Variants in KIAA0586 observed in about 807,000 individuals in gnomAD.
KIAA0586 encodes KIAA0586.
In KIAA0586, 144 loss-of-function variants were observed where a neutral mutation model predicts 169.8. That is an observed-to-expected ratio of 0.85 (90% CI 0.74 to 0.97). KIAA0586 has a LOEUF of 0.97. KIAA0586 is among the 50% of genes least tolerant of loss of function. The pLI is 0.00. For synonymous variants in KIAA0586, 625 were observed against 612.4 expected (o/e 1.02, Z -0.30); for missense variants, 1,854 against 1,823.0 (o/e 1.02, Z -0.31).
At chr14:58,513,130 G>A (rs1335425537) in intron 29 of KIAA0586, among the ~76,000 whole-genome samples, 2 of 151,948 alleles carry the variant, frequency 1.3e-5, no homozygotes, top group Non-Finnish European at 2.9e-5. Context: ...CACAGTCAGC[G>A]TTCAAGCATT....
Position 58,461,086 on chromosome 14 carries a change from G to A in KIAA0586, c.1985G>A (p.Gly662Glu). The change falls in exon 14 of 31, where the codon GGA becomes GAA. Residue 662 changes from glycine to glutamate, a missense_variant. Coordinates refer to ENST00000652326, the MANE Select transcript of KIAA0586 (RefSeq NM_001329943.3). ...YQGHRSTLKK[G>E]PYLRFNSPSP... is the part of the protein sequence containing the mutation. ...GGCCATCGAAGCACTCTTAAAAAAG[G>A]ACCATATCTCAGATTTAATTCTCCA... 1.2e-6 allele frequency: 2 copies of A among 1,611,846 alleles called. No homozygotes were observed. Among genetic ancestry groups the A allele is most frequent in the Non-Finnish European group, 1.7e-6 (2 of 1,178,840 alleles).
chr14:58,437,090 G>C (rs535449194), intron 4 of KIAA0586, among the ~76,000 whole-genome samples: 1 of 152,312 alleles, frequency 6.6e-6, no homozygotes, highest in East Asian at 1.9e-4. Context: ...AATTGGCTCT[G>C]GAGTTTTCAG....
At chr14:58,444,343 T>C (rs1408451561) in intron 6 of KIAA0586, among the ~76,000 whole-genome samples, 168 bp downstream of exon 6, 1 of 152,226 alleles carries the variant, frequency 6.6e-6, no homozygotes, top group African/African-American at 2.4e-5. Flanking sequence ...CTGAATGTTA[T>C]ATCTCAAATG....
intron 3 of KIAA0586, among the ~76,000 whole-genome samples, chr14:58,431,946 A>G (rs1449854869): frequency 1.3e-5 from 2 of 152,168 alleles, no homozygotes; most frequent in African/African-American, 2.4e-5. Context: ...TACTTAAGTC[A>G]TTTATCAGAT....
chr14:58,484,915 T>A (rs1251977777), intron 21 of KIAA0586, among the ~76,000 whole-genome samples: 2 of 30,722 alleles, frequency 6.5e-5, no homozygotes, highest in Non-Finnish European at 1.3e-4. Context: ...TATATATATA[T>A]ATATATATAT....
chr14:58,460,132 GAGAT>G lies in KIAA0586; in HGVS notation c.1884+64_1884+67del, dbSNP rs2040205892. 9.1e-6 allele frequency: 9 copies of G among 992,460 alleles called. No individual in the cohort carries two copies. The East Asian group carries it at 2.4e-4, about 26-fold the overall frequency. The allele number at this position is 992,460 out of a possible 1,614,324, so 61.5% of individuals were successfully genotyped here. The stretch of plus-strand genomic sequence containing the variant: ...TGTTATAATTGATCATTTCCTTTAA[GAGAT>G]AAATAATGAAGCGAATGTGAAGGTG... On this transcript the variant is annotated intron_variant, in intron 13 of 30. Transcript: ENST00000652326.
In KIAA0586 at chr14:58,444,010, A is replaced by G. The variant is rs2038639098; in HGVS notation, c.642A>G (p.Leu214=). ...VNSVTELLSK[L]QETDKHLQRV... ...CTGTTACAGAATTACTTAGTAAATT[A>G]CAGGAGACTGATAAACACCTGCAAC... Residue 214 remains leucine (L), a synonymous_variant, in exon 6 of 31, where the codon TTA becomes TTG. Transcript: ENST00000652326. The G allele has an allele frequency of 6.2e-7, 1 of 1,611,838 alleles. No individual in the cohort carries two copies. Among genetic ancestry groups the G allele is most frequent in the Admixed American group, 1.7e-5 (1 of 59,706 alleles).
In KIAA0586 at chr14:58,442,797, A is replaced by G. The variant is rs762927268; in HGVS notation, c.502A>G (p.Ile168Val). Residue 168 changes from isoleucine (I) to valine (V), a missense_variant, in exon 5 of 31, where the codon ATT becomes GTT. Physicochemically the swap from Ile to Val is conservative, Grantham distance 29. Transcript: ENST00000652326. ...EKDAVTQETR[I>V]SPSGIDSATT... ...GGATGCTGTTACTCAGGAGACTAGA[A>G]TTTCACCCAGTGGAATTGATTCAGC... 10 of 1,607,630 alleles carry G rather than the reference A, an allele frequency of 6.2e-6. No individual in the cohort carries two copies. In the South Asian group the frequency reaches 8.9e-5, roughly 14 times the overall value.
chr14:58,542,666 A>C (rs1472721832), intron 30 of KIAA0586, among the ~76,000 whole-genome samples: 1 of 152,110 alleles, frequency 6.6e-6, no homozygotes, highest in Non-Finnish European at 1.5e-5. Context: ...TATTTCAGTG[A>C]AACATTCTTA....
intron 29 of KIAA0586, among the ~76,000 whole-genome samples, chr14:58,517,330 C>A (rs185215395): frequency 6.6e-6 from 1 of 152,132 alleles, no homozygotes; most frequent in Non-Finnish European, 1.5e-5. Flanking sequence ...TGAACAGATA[C>A]TTCACCAAAA....
chr14:58,523,999 G>T (rs2045401551), intron 29 of KIAA0586, among the ~76,000 whole-genome samples: 1 of 151,982 alleles, frequency 6.6e-6, no homozygotes, highest in Admixed American at 6.6e-5. Flanking sequence ...TATAAATTAG[G>T]CAGACTATTT....
rs773497382 is a variant in KIAA0586 at position 58,488,603 on chromosome 14, A to G, written c.3528-18A>G. ...TTCAGTGACCTAACAAGCTCCAAAT[A>G]TGTCTTTATTTTCTTAGTGTAATGT... On this transcript the variant is annotated intron_variant, in intron 23 of 30. Transcript: ENST00000652326. 2 of 1,612,176 alleles carry G rather than the reference A, an allele frequency of 1.2e-6. No individual in the cohort carries two copies. The highest frequency in any genetic ancestry group is 1.7e-6 in the Non-Finnish European group (2 of 1,178,618).
At chr14:58,495,502 T>C (rs539802853) in intron 26 of KIAA0586, among the ~76,000 whole-genome samples, 1 of 152,156 alleles carries the variant, frequency 6.6e-6, no homozygotes, top group African/African-American at 2.4e-5. Context: ...CTCACTATGT[T>C]GGCTAGGCTG....
chr14:58,467,578 G>T (rs752124866), intron 15 of KIAA0586, among the ~76,000 whole-genome samples, 157 bp from the exon 16 acceptor site: 3 of 152,188 alleles, frequency 2.0e-5, no homozygotes, highest in African/African-American at 7.2e-5. Flanking sequence ...ACTGGGTATG[G>T]TGAGTATGTC....
intron 29 of KIAA0586, among the ~76,000 whole-genome samples, chr14:58,513,417 A>G (rs2044532363): frequency 6.6e-6 from 1 of 152,048 alleles, no homozygotes; most frequent in Non-Finnish European, 1.5e-5. Context: ...GAATGCCGGT[A>G]TAATTGCGAA....
At chr14:58,529,255 C>T (rs915837878) in intron 29 of KIAA0586, among the ~76,000 whole-genome samples, 70 of 152,186 alleles carry the variant, frequency 4.6e-4, no homozygotes, top group African/African-American at 1.6e-3. Context: ...GACAAATTCA[C>T]AGGCGAATTC....
chr14:58,507,292 CAT>C (rs1324216534), intron 27 of KIAA0586, among the ~76,000 whole-genome samples: 1 of 139,890 alleles, frequency 7.1e-6, no homozygotes, highest in Non-Finnish European at 1.5e-5. Flanking sequence ...ATATATATAT[CAT>C]GTGTATGATT....
chr14:58,446,396 C>T (rs1207673279), intron 6 of KIAA0586, among the ~76,000 whole-genome samples: 4 of 151,770 alleles, frequency 2.6e-5, no homozygotes, highest in Admixed American at 6.6e-5. Context: ...ACTCAGGAGG[C>T]TGAGGCAGGG....
chr14:58,541,619 T>C (rs1249587789), intron 30 of KIAA0586, among the ~76,000 whole-genome samples: 3 of 152,252 alleles, frequency 2.0e-5, no homozygotes, highest in Admixed American at 6.5e-5. Flanking sequence ...CATAACTTAT[T>C]ACTCAGAATA....
Sources: gnomAD v4.1 joint callset for allele counts (sites outside exome capture counted in the v4.1 genomes callset) on GRCh38, gnomAD v4.1.1 for gene constraint, MANE v1.5 for transcripts, NCBI Gene and HGNC (gene_info 2026-07-23, HGNC 2026-07-21) for gene names.